The following FANCB variants were observed in gnomAD, a reference collection of about 807,000 sequenced individuals.
The protein encoded by FANCB is FA complementation group B.
In FANCB, 5 loss-of-function variants were observed where a neutral mutation model predicts 38.9. The ratio of observed to expected loss-of-function variants is 0.13; its 90% confidence interval spans 0.07 to 0.27. The LOEUF (loss-of-function observed/expected upper bound fraction) is 0.27. Among genes scored for constraint, FANCB ranks in the 10% least tolerant of loss-of-function variants. The probability of loss-of-function intolerance (pLI) is 1.00; values close to 1 mark genes in which losing one functional copy is unlikely to be tolerated. For synonymous variants in FANCB, 236 were observed against 215.4 expected (o/e 1.10, Z -0.84); for missense variants, 573 against 602.7 (o/e 0.95, Z 0.52).
chrX:14,726,923 G>A, the FANCB span, among the ~76,000 whole-genome samples: 4 of 111,992 alleles, frequency 3.6e-5, no homozygotes, highest in South Asian at 3.7e-4. Flanking sequence ...TTAATCATGA[G>A]TTTCTAAAGG....
the FANCB span, among the ~76,000 whole-genome samples, chrX:14,742,505 C>A: frequency 9.0e-6 from 1 of 111,633 alleles, no homozygotes; most frequent in Non-Finnish European, 1.9e-5. Flanking sequence ...ATAGTATATA[C>A]CTTGTACAAT....
At chrX:14,779,734 A>T in the FANCB span, among the ~76,000 whole-genome samples, 1 of 111,140 alleles carries the variant, frequency 9.0e-6, no homozygotes, top group East Asian at 2.8e-4. Context: ...ATCAGAAGAT[A>T]GAGAAGGAAG....
the FANCB span, among the ~76,000 whole-genome samples, chrX:14,721,695 G>C: frequency 9.0e-6 from 1 of 111,130 alleles, no homozygotes; most frequent in African/African-American, 3.3e-5. Flanking sequence ...TCTGATTTGA[G>C]GACCCTTCGC....
At chrX:14,829,756 G>C in the FANCB span, among the ~76,000 whole-genome samples, 1 of 112,161 alleles carries the variant, frequency 8.9e-6, no homozygotes, top group Non-Finnish European at 1.9e-5. Flanking sequence ...TTAGGCTTTG[G>C]CTTAAGGGAA....
chrX:14,845,650 G>A (rs1228267446), intron 7 of FANCB, among the ~76,000 whole-genome samples: 1 of 110,829 alleles, frequency 9.0e-6, no homozygotes, highest in East Asian at 2.8e-4. Flanking sequence ...CTTTCAGGTT[G>A]GTCTTTTTTT....
the FANCB span, among the ~76,000 whole-genome samples, chrX:14,811,421 C>T: frequency 3.6e-5 from 4 of 110,932 alleles, no homozygotes; most frequent in Non-Finnish European, 7.6e-5. Context: ...TCAGGAAACC[C>T]ATCTCACGTG....
the FANCB span, among the ~76,000 whole-genome samples, chrX:14,751,123 C>T: frequency 4.5e-5 from 5 of 112,081 alleles, no homozygotes; most frequent in African/African-American, 1.6e-4. Context: ...ATACATCTCC[C>T]ATAGCCCAGC....
At chrX:14,806,172 C>G in the FANCB span, among the ~76,000 whole-genome samples, 2 of 110,654 alleles carry the variant, frequency 1.8e-5, no homozygotes, top group Non-Finnish European at 3.8e-5. Flanking sequence ...GAGTGAGGAC[C>G]CTGAGAAAGG....
At chrX:14,690,155 A>G in the FANCB span, among the ~76,000 whole-genome samples, 1 of 111,917 alleles carries the variant, frequency 8.9e-6, no homozygotes, top group African/African-American at 3.2e-5. Context: ...TTTCTCATCC[A>G]TGTTTTGAAA....
chrX:14,692,243 G>A, the FANCB span, among the ~76,000 whole-genome samples: 2 of 112,270 alleles, frequency 1.8e-5, no homozygotes, highest in Admixed American at 9.4e-5. Context: ...CCTCTTTGCT[G>A]TACATTACCT....
At chrX:14,789,170 A>G in the FANCB span, among the ~76,000 whole-genome samples, 7 of 112,028 alleles carry the variant, frequency 6.2e-5, no homozygotes, top group South Asian at 2.2e-3. Flanking sequence ...GTCAAAGCCA[A>G]ACAGTGAACT....
At chrX:14,805,770 A>G in the FANCB span, among the ~76,000 whole-genome samples, 1 of 111,693 alleles carries the variant, frequency 9.0e-6, no homozygotes, top group Non-Finnish European at 1.9e-5. Context: ...ATCTTTCAAC[A>G]ACTTCCTTCT....
At chrX:14,715,481 G>A in the FANCB span, among the ~76,000 whole-genome samples, 5 of 111,469 alleles carry the variant, frequency 4.5e-5, no homozygotes, top group African/African-American at 9.8e-5. Context: ...ATGTCAGAAC[G>A]GGCCCCTGCA....
At chrX:14,758,128 C>T in the FANCB span, among the ~76,000 whole-genome samples, 15 of 111,062 alleles carry the variant, frequency 1.4e-4, no homozygotes, top group African/African-American at 4.3e-4. Context: ...CCTTGCATGA[C>T]GCAGCAGAGG....
At chrX:14,796,941 A>G in the FANCB span, among the ~76,000 whole-genome samples, 1 of 110,687 alleles carries the variant, frequency 9.0e-6, no homozygotes, top group Non-Finnish European at 1.9e-5. Flanking sequence ...GAAAAGACCA[A>G]TGTTTCACTT....
chrX:14,767,742 G>A, the FANCB span, among the ~76,000 whole-genome samples: 1 of 112,110 alleles, frequency 8.9e-6, no homozygotes, highest in Non-Finnish European at 1.9e-5. Flanking sequence ...GGGCAATTTC[G>A]TCATGAAATC....
At chrX:14,814,941 C>A in the FANCB span, among the ~76,000 whole-genome samples, 73 of 111,891 alleles carry the variant, frequency 6.5e-4, 1 homozygote, top group South Asian at 0.026. Flanking sequence ...CAGTGATAGA[C>A]TAGATTAAGA....
chrX:14,844,664 G>A lies in FANCB; in HGVS notation c.2004C>T (p.Ala668=). 5.8e-6 allele frequency: 7 copies of A among 1,209,987 alleles called. No individual in the cohort carries two copies. The highest frequency in any genetic ancestry group is 6.7e-6 in the Non-Finnish European group (6 of 894,266). Reference sequence around the variant, plus strand: ...AGAGCCACACCTTCATTGAATTCAGGGCATAGCCGGGTGATGTGATTTGAA... The same window carrying A: ...AGAGCCACACCTTCATTGAATTCAGAGCATAGCCGGGTGATGTGATTTGAA... ...SCFQITSPGY[A]LNSMKVWLLE... The change falls in exon 9 of 10, where the codon GCC becomes GCT. Residue 668 remains alanine, a synonymous_variant. Coordinates refer to ENST00000650831, the MANE Select transcript of FANCB (RefSeq NM_001018113.3).
At chrX:14,716,176 T>C in the FANCB span, among the ~76,000 whole-genome samples, 1 of 111,144 alleles carries the variant, frequency 9.0e-6, no homozygotes, top group Non-Finnish European at 1.9e-5. Context: ...CTTAAATATA[T>C]CAACCAGCTA....
Sources: gnomAD v4.1 joint callset for allele counts (sites outside exome capture counted in the v4.1 genomes callset) on GRCh38, gnomAD v4.1.1 for gene constraint, MANE v1.5 for transcripts, NCBI Gene and HGNC (gene_info 2026-07-23, HGNC 2026-07-21) for gene names.